The following SLC14A2 variants were observed in gnomAD, a reference collection of about 807,000 sequenced individuals.
SLC14A2 encodes the protein solute carrier family 14 member 2.
Under a neutral mutation model 104.6 loss-of-function variants are expected in SLC14A2, and 91 were observed. The observed-to-expected ratio is 0.87, with a 90% CI of 0.73 to 1.04. The LOEUF (loss-of-function observed/expected upper bound fraction) is 1.04, where lower values mean the gene tolerates loss of function less well. SLC14A2 is among the 50% of genes least tolerant of loss of function. The probability of loss-of-function intolerance (pLI) is 0.00; values close to 1 mark genes in which losing one functional copy is unlikely to be tolerated. For missense variants in SLC14A2, 1,189 were observed against 1,156.0 expected (o/e 1.03, Z -0.41); for synonymous variants, 476 against 466.4 (o/e 1.02, Z -0.27).
At chr18:45,295,671 C>T (rs2084911783) in intron 1 of SLC14A2, among the ~76,000 whole-genome samples, 1 of 152,278 alleles carries the variant, frequency 6.6e-6, no homozygotes, top group East Asian at 1.9e-4. Flanking sequence ...TCCATTTTTA[C>T]AGGCCTTATC....
At chr18:45,365,709 C>T (rs1339562000) in intron 1 of SLC14A2, among the ~76,000 whole-genome samples, 1 of 152,186 alleles carries the variant, frequency 6.6e-6, no homozygotes, top group African/African-American at 2.4e-5. Flanking sequence ...GTGAAGAGGT[C>T]TGTCTTTTGA....
chr18:45,660,143 T>A (rs754558268), intron 10 of SLC14A2, among the ~76,000 whole-genome samples: 3 of 152,012 alleles, frequency 2.0e-5, no homozygotes, highest in Non-Finnish European at 4.4e-5. Context: ...AAAAAAATAT[T>A]AAAATGCATA....
At chr18:45,469,565 T>C (rs2543002) in intron 1 of SLC14A2, among the ~76,000 whole-genome samples, 34,563 of 152,158 alleles carry the variant, frequency 0.23, 4,105 homozygotes, top group Non-Finnish European at 0.27. Context: ...CAAAGGTATC[T>C]CTCTTGTCTT....
At chr18:45,309,129 G>C (rs1294374435) in intron 1 of SLC14A2, among the ~76,000 whole-genome samples, 1 of 152,052 alleles carries the variant, frequency 6.6e-6, no homozygotes, top group Non-Finnish European at 1.5e-5. Context: ...CTATGCCAAG[G>C]TTCTATCCTC....
intron 11 of SLC14A2, among the ~76,000 whole-genome samples, chr18:45,665,035 T>G (rs1193792188): frequency 5.3e-5 from 8 of 152,092 alleles, no homozygotes. Flanking sequence ...GGCCTCCAAT[T>G]TCAAGGGATC....
chr18:45,586,606 G>A (rs576483807), intron 2 of SLC14A2, among the ~76,000 whole-genome samples: 24 of 152,170 alleles, frequency 1.6e-4, no homozygotes, highest in Non-Finnish European at 2.8e-4. Flanking sequence ...GACACACAGT[G>A]GTGACCTGCC....
intron 1 of SLC14A2, among the ~76,000 whole-genome samples, chr18:45,439,404 A>G (rs1208330724): frequency 1.3e-5 from 2 of 152,156 alleles, no homozygotes; most frequent in Non-Finnish European, 2.9e-5. Context: ...AGTGTTCAGT[A>G]AAAAAACTCT....
At chr18:45,572,857 C>G (rs1416078216) in intron 2 of SLC14A2, among the ~76,000 whole-genome samples, 1 of 152,114 alleles carries the variant, frequency 6.6e-6, no homozygotes, top group Non-Finnish European at 1.5e-5. Flanking sequence ...AAAGCCTGGG[C>G]TCCCTTTATT....
intron 1 of SLC14A2, among the ~76,000 whole-genome samples, chr18:45,441,410 T>C (rs2144582351): frequency 6.6e-6 from 1 of 152,224 alleles, no homozygotes; most frequent in African/African-American, 2.4e-5. Flanking sequence ...GTCAAAACCC[T>C]AAAAGAAGAA....
chr18:45,220,872 T>A (rs1012788826), intron 1 of SLC14A2, among the ~76,000 whole-genome samples: 1 of 152,244 alleles, frequency 6.6e-6, no homozygotes, highest in African/African-American at 2.4e-5. Flanking sequence ...GAGGCCTCTC[T>A]TTTTGGTTTA....
At chr18:45,413,377 G>A (rs1019724743) in intron 1 of SLC14A2, among the ~76,000 whole-genome samples, 2 of 152,140 alleles carry the variant, frequency 1.3e-5, no homozygotes, top group African/African-American at 4.8e-5. Flanking sequence ...AGAGATACTT[G>A]TAGGGTTGTG....
chr18:45,548,967 A>G (rs2044014390), intron 2 of SLC14A2, among the ~76,000 whole-genome samples: 1 of 152,188 alleles, frequency 6.6e-6, no homozygotes, highest in Non-Finnish European at 1.5e-5. Context: ...GTGCACCTAG[A>G]TGAAGGTAAA....
intron 1 of SLC14A2, among the ~76,000 whole-genome samples, chr18:45,403,873 A>G (rs1293543332): frequency 2.0e-5 from 3 of 152,114 alleles, no homozygotes; most frequent in African/African-American, 7.2e-5. Context: ...CCGTAAGATA[A>G]AGGACAAGCA....
intron 1 of SLC14A2, among the ~76,000 whole-genome samples, chr18:45,357,476 G>A (rs755859643): frequency 8.5e-5 from 13 of 152,210 alleles, no homozygotes; most frequent in South Asian, 2.1e-4. Flanking sequence ...TTAGCTGGGC[G>A]TGGTGGCACA....
chr18:45,278,060 T>C (rs981037934), intron 1 of SLC14A2, among the ~76,000 whole-genome samples: 1 of 152,126 alleles, frequency 6.6e-6, no homozygotes, highest in African/African-American at 2.4e-5. Context: ...CCCCAAACAC[T>C]CCTAAATTCT....
At chr18:45,513,247 C>A (rs1045225247) in intron 2 of SLC14A2, among the ~76,000 whole-genome samples, 23 of 152,154 alleles carry the variant, frequency 1.5e-4, no homozygotes, top group African/African-American at 5.3e-4. Flanking sequence ...TTCTGTGTGC[C>A]TCTGGATCAA....
rs530450735 is a variant in SLC14A2, at chr18:45,653,858, C to T, written c.1351+9698C>T. On this transcript the variant is annotated intron_variant, in intron 10 of 19. Transcript: ENST00000255226. ...CTGTTCCCCAGCCTGTGCCCTGCCC[C>T]TATGGGGAATTAAGGGAGTTTATTG... Among the ~76,000 whole-genome samples, 245 of 152,320 alleles carry T rather than the reference C, an allele frequency of 1.6e-3. 1 individual carries two copies. The highest frequency in any genetic ancestry group is 2.9e-3 in the Non-Finnish European group (198 of 68,026).
intron 5 of SLC14A2, among the ~76,000 whole-genome samples, chr18:45,633,454 G>A (rs898429306): frequency 6.6e-6 from 1 of 152,232 alleles, no homozygotes; most frequent in African/African-American, 2.4e-5. Flanking sequence ...AGGTCACCAT[G>A]AAAGGGAGTT....
rs762655009 is a variant in SLC14A2, at chr18:45,663,801, T to G, written c.1368T>G (p.His456Gln). The G allele has an allele frequency of 6.2e-7, 1 of 1,612,634 alleles. No individual in the cohort carries two copies. Among genetic ancestry groups the G allele is most frequent in the Admixed American group, 1.7e-5 (1 of 59,956 alleles). ...CCTGGCTAGGAGGCGGTGGGGAGCA[T>G]CCACCCACAGCAGGCCCAAAGGTGG... Reference protein sequence around the residue: ...EKAPSGGGGEHPPTAGPKVEE... With the variant: ...EKAPSGGGGEQPPTAGPKVEE... Residue 456 changes from histidine (H) to glutamine (Q), a missense_variant, in exon 11 of 20, where the codon CAT becomes CAG. Physicochemically the swap from His to Gln is conservative, Grantham distance 24. Transcript: ENST00000255226.
Sources: gnomAD v4.1 joint callset for allele counts (sites outside exome capture counted in the v4.1 genomes callset) on GRCh38, gnomAD v4.1.1 for gene constraint, MANE v1.5 for transcripts, NCBI Gene and HGNC (gene_info 2026-07-23, HGNC 2026-07-21) for gene names.